Variants in GLIPR1L1 observed in about 807,000 individuals in gnomAD.
GLIPR1L1 encodes GLIPR1 like 1, also known as GLIPR1-like protein 1.
GLIPR1L1 carries 26 observed loss-of-function variants against 29.9 expected under a neutral mutation model. The ratio of observed to expected loss-of-function variants is 0.87; its 90% CI spans 0.64 to 1.21. The LOEUF (loss-of-function observed/expected upper bound fraction) is 1.21, where lower values mean the gene tolerates loss of function less well. Ranked by LOEUF, GLIPR1L1 falls within the 50% of genes most tolerant of loss-of-function variation. The pLI is 0.00. For synonymous variants in GLIPR1L1, 77 were observed against 97.5 expected (o/e 0.79, Z 1.24); for missense variants, 305 against 290.3 (o/e 1.05, Z -0.37).
chr12:75,356,549 A>C (rs2043169895), intron 3 of GLIPR1L1, among the ~76,000 whole-genome samples: 1 of 152,218 alleles, frequency 6.6e-6, no homozygotes, highest in Admixed American at 6.5e-5. Context: ...ACAAAGAGTA[A>C]TCGCAAATAA....
At chr12:75,367,946 C>T (rs916409843) in intron 4 of GLIPR1L1, among the ~76,000 whole-genome samples, 11 of 152,144 alleles carry the variant, frequency 7.2e-5, no homozygotes, top group Non-Finnish European at 1.2e-4. Flanking sequence ...GTCCTCATAG[C>T]CAGGTTATAA....
intron 3 of GLIPR1L1, among the ~76,000 whole-genome samples, chr12:75,351,840 C>T (rs1048946676): frequency 3.3e-5 from 5 of 152,138 alleles, no homozygotes; most frequent in African/African-American, 9.7e-5. Context: ...AGCCATCGTG[C>T]TGGCCCAATA....
chr12:75,352,489 C>G (rs1287262454), intron 3 of GLIPR1L1, among the ~76,000 whole-genome samples: 1 of 152,150 alleles, frequency 6.6e-6, no homozygotes, highest in Non-Finnish European at 1.5e-5. Flanking sequence ...ACAGGAGCAC[C>G]CAGATTCATA....
At chr12:75,338,940 T>C (rs2041918872) in intron 1 of GLIPR1L1, among the ~76,000 whole-genome samples, 1 of 152,246 alleles carries the variant, frequency 6.6e-6, no homozygotes, top group Admixed American at 6.5e-5. Flanking sequence ...CTCATTCCTT[T>C]TTATGGCTGC....
At chr12:75,349,698 A>G (rs943820068) in intron 3 of GLIPR1L1, among the ~76,000 whole-genome samples, 3 of 152,220 alleles carry the variant, frequency 2.0e-5, no homozygotes, top group Non-Finnish European at 4.4e-5. Flanking sequence ...TAGACATTCC[A>G]GAAAAAAAGA....
intron 3 of GLIPR1L1, among the ~76,000 whole-genome samples, chr12:75,354,953 T>C: frequency 6.6e-6 from 1 of 152,134 alleles, no homozygotes; most frequent in East Asian, 1.9e-4. Flanking sequence ...CTGCACAACT[T>C]CCTTACACCT....
At chr12:75,334,972 C>T (rs1284758930) in intron 1 of GLIPR1L1, 70 bp downstream of exon 1, 2 of 1,428,794 alleles carry the variant, frequency 1.4e-6, no homozygotes, top group Non-Finnish European at 1.9e-6. Context: ...ATAAATTTCA[C>T]GGACTTAACT....
chr12:75,335,325 T>C (rs185267066), intron 1 of GLIPR1L1, among the ~76,000 whole-genome samples: 151 of 152,222 alleles, frequency 9.9e-4, no homozygotes, highest in South Asian at 5.2e-3. Flanking sequence ...ATCATATGAA[T>C]CCAAGATCAA....
At chr12:75,368,392 C>T (rs866767148) in intron 4 of GLIPR1L1, among the ~76,000 whole-genome samples, 9 of 151,290 alleles carry the variant, frequency 5.9e-5, no homozygotes, top group South Asian at 2.1e-4. Context: ...TGAACTAATG[C>T]TACTTCTTTT....
At chr12:75,359,357 CTTTTTTTTTTTTTTT>C (rs61616225) in intron 3 of GLIPR1L1, among the ~76,000 whole-genome samples, 3 of 28,586 alleles carry the variant, frequency 1.0e-4, no homozygotes, top group East Asian at 8.3e-4. Flanking sequence ...GCATTGTTGT[CTTTTTTTTTTTTTTT>C]TTTTTTTTTT....
At chr12:75,345,286 A>T (rs1202496209) in intron 2 of GLIPR1L1, among the ~76,000 whole-genome samples, 2 of 151,924 alleles carry the variant, frequency 1.3e-5, no homozygotes, top group Non-Finnish European at 2.9e-5. Context: ...TGCAAATCTC[A>T]GGGGTATTAT....
chr12:75,347,752 ATTGAAATTAATG>A, intron 3 of GLIPR1L1, 30 bp downstream of exon 3: 1 of 1,425,776 alleles, frequency 7.0e-7, no homozygotes, highest in Non-Finnish European at 9.8e-7. Flanking sequence ...AAATATTTTA[ATTGAAATTAATG>A]TTGATGATGG....
chr12:75,358,579 T>C (rs1293358972), intron 3 of GLIPR1L1, among the ~76,000 whole-genome samples: 1 of 150,944 alleles, frequency 6.6e-6, no homozygotes, highest in Non-Finnish European at 1.5e-5. Context: ...TATGAAAAAC[T>C]GACCACTAAC....
chr12:75,356,666 G>T (rs908449458), intron 3 of GLIPR1L1, among the ~76,000 whole-genome samples: 1 of 152,228 alleles, frequency 6.6e-6, no homozygotes, highest in Non-Finnish European at 1.5e-5. Flanking sequence ...CAAATAAAAT[G>T]AATAAGATGA....
intron 2 of GLIPR1L1, among the ~76,000 whole-genome samples, chr12:75,346,395 CT>C (rs963733264): frequency 1.2e-3 from 180 of 145,804 alleles, no homozygotes; most frequent in Middle Eastern, 3.7e-3. Flanking sequence ...AAGCAAAACT[CT>C]TTTTTTTTTT....
intron 3 of GLIPR1L1, among the ~76,000 whole-genome samples, chr12:75,362,611 A>C (rs1019677765): frequency 6.6e-6 from 1 of 152,190 alleles, no homozygotes; most frequent in African/African-American, 2.4e-5. Context: ...AATCTTTCAC[A>C]GATAGAAGAT....
intron 1 of GLIPR1L1, among the ~76,000 whole-genome samples, 176 bp from the exon 2 acceptor site, chr12:75,343,517 T>C (rs7297994): frequency 0.32 from 48,704 of 151,910 alleles, 8,570 homozygotes; most frequent in East Asian, 0.45. Flanking sequence ...TATAAATAAG[T>C]ATTTCTGAAG....
intron 3 of GLIPR1L1, among the ~76,000 whole-genome samples, chr12:75,362,065 A>G (rs2043632706): frequency 6.6e-6 from 1 of 152,190 alleles, no homozygotes; most frequent in Non-Finnish European, 1.5e-5. Flanking sequence ...GACACTGTTA[A>G]GAGAATGAAA....
chr12:75,350,882 CATA>C (rs1298353877), intron 3 of GLIPR1L1, among the ~76,000 whole-genome samples: 5 of 152,122 alleles, frequency 3.3e-5, no homozygotes, highest in African/African-American at 1.2e-4. Context: ...TCAGAAGATG[CATA>C]ATAATGAACT....
Sources: allele counts gnomAD v4.1 joint callset (sites outside exome capture counted in the v4.1 genomes callset), GRCh38; gene constraint gnomAD v4.1.1; transcripts MANE v1.5; gene names NCBI Gene and HGNC (gene_info 2026-07-23, HGNC 2026-07-21).